STRN: variants seen among roughly 807,000 people sequenced by gnomAD.
STRN encodes protein phosphatase 2 regulatory subunit B'''alpha.
A neutral mutation model predicts 96.3 loss-of-function variants in STRN; 53 were observed. The ratio of observed to expected loss-of-function variants is 0.55; its 90% CI spans 0.44 to 0.69. The LOEUF (loss-of-function observed/expected upper bound fraction) is 0.69, where lower values mean the gene tolerates loss of function less well. Ranked by LOEUF, STRN falls within the 30% of genes least tolerant of loss-of-function variation. The probability of loss-of-function intolerance (pLI) is 0.00; values close to 1 mark genes in which losing one functional copy is unlikely to be tolerated. For missense variants in STRN, 987 were observed against 963.9 expected (o/e 1.02, Z -0.32); for synonymous variants, 428 against 355.9 (o/e 1.20, Z -2.28).
chr2:36,917,538 G>GAAAAAAAAA (rs576754026), intron 2 of STRN, among the ~76,000 whole-genome samples: 235 of 88,476 alleles, frequency 2.7e-3, no homozygotes, highest in African/African-American at 4.6e-3. Context: ...ACAAAAAAAA[G>GAAAAAAAAA]AAAAAAAAAA....
At chr2:36,945,244 T>C (rs1670949840) in intron 1 of STRN, among the ~76,000 whole-genome samples, 1 of 151,958 alleles carries the variant, frequency 6.6e-6, no homozygotes, top group Non-Finnish European at 1.5e-5. Context: ...GGAATAGAGA[T>C]AAAAATGGGT....
intron 5 of STRN, among the ~76,000 whole-genome samples, chr2:36,901,539 G>A (rs1202309298): frequency 2.4e-5 from 3 of 126,846 alleles, no homozygotes; most frequent in African/African-American, 5.9e-5. Context: ...GTGACAGAGC[G>A]AGACTCCGCC....
At chr2:36,858,739 T>C (rs1668409962) in intron 13 of STRN, among the ~76,000 whole-genome samples, 1 of 152,246 alleles carries the variant, frequency 6.6e-6, no homozygotes, top group Non-Finnish European at 1.5e-5. Context: ...TTATGTCTTA[T>C]ATCCTCTGTC....
rs141296569 is a variant in STRN, at chr2:36,844,455, T to C, written c.*5001A>G. The C allele has an allele frequency of 2.6e-5, 4 of 152,232 alleles. No individual in the cohort carries two copies. The East Asian group carries it at 7.7e-4, about 29-fold the overall frequency. 9.4% of individuals were successfully genotyped at this position (152,232 alleles called of 1,614,324 possible). A position where few individuals can be genotyped will look rare whatever the true frequency, so the allele number is the denominator to read the frequency against. ...TCTACATTAACAAGGCACTCACTGG[T>C]TCACAGCCTGTTAAAAACCCAGGCA... On this transcript the variant is annotated 3_prime_UTR_variant, in exon 18 of 18. Transcript: ENST00000263918.
chr2:36,957,742 GTCTTT>G (rs1664925741), intron 1 of STRN, among the ~76,000 whole-genome samples: 1 of 103,132 alleles, frequency 9.7e-6, no homozygotes, highest in African/African-American at 3.5e-5. Context: ...TCTTCTTTTT[GTCTTT>G]TTTTTTTTTT....
At chr2:36,943,758 C>A (rs1201793056) in intron 1 of STRN, among the ~76,000 whole-genome samples, 3 of 151,402 alleles carry the variant, frequency 2.0e-5, no homozygotes, top group Admixed American at 6.6e-5. Flanking sequence ...GAGCCGAGAT[C>A]CTGACACTGC....
chr2:36,850,252 A>T (rs749976385), intron 16 of STRN, among the ~76,000 whole-genome samples: 45 of 152,238 alleles, frequency 3.0e-4, no homozygotes, highest in Non-Finnish European at 6.0e-4. Flanking sequence ...ATACAGAAAA[A>T]AATTTTAAAT....
In STRN at chr2:36,850,952, A is replaced by ATTT. The variant is rs10668550; in HGVS notation, c.2086+45_2086+47dup. 6,203 of 1,235,864 alleles carry ATTT rather than the reference A, an allele frequency of 5.0e-3. 2 individuals are homozygous for ATTT. The highest frequency in any genetic ancestry group is 5.7e-3 in the East Asian group (203 of 35,888). The allele number at this position is 1,235,864 out of a possible 1,614,324, so 76.6% of individuals were successfully genotyped here. On this transcript the variant is annotated intron_variant, in intron 16 of 17. Coordinates refer to ENST00000263918, the MANE Select transcript of STRN (RefSeq NM_003162.4). Reference sequence around the variant, plus strand: ...CAAAATTAGCCTACTTGTGGTAGGGATTTTTTTTTTTTGCTTTAATAAAAA... The same window carrying ATTT: ...CAAAATTAGCCTACTTGTGGTAGGGATTTTTTTTTTTTTTTGCTTTAATAAAAA...
chr2:36,947,717 G>C (rs896063349), intron 1 of STRN, among the ~76,000 whole-genome samples: 3 of 151,660 alleles, frequency 2.0e-5, no homozygotes, highest in African/African-American at 7.3e-5. Context: ...ACAAATATAT[G>C]CAACCTTATT....
intron 3 of STRN, among the ~76,000 whole-genome samples, chr2:36,909,217 A>T (rs545056410): frequency 2.0e-5 from 3 of 152,070 alleles, no homozygotes; most frequent in East Asian, 3.9e-4. Context: ...AATAGCTCTT[A>T]TATTTCCTTA....
intron 1 of STRN, among the ~76,000 whole-genome samples, chr2:36,956,565 T>C (rs904866955): frequency 5.3e-5 from 8 of 152,182 alleles, no homozygotes; most frequent in Admixed American, 2.0e-4. Context: ...ATCAAAAGTA[T>C]AGCTGACATC....
intron 9 of STRN, among the ~76,000 whole-genome samples, chr2:36,878,517 A>G (rs1016323219): frequency 2.6e-4 from 39 of 152,164 alleles, no homozygotes; most frequent in Non-Finnish European, 8.8e-5. Context: ...ATGTGGCGTT[A>G]TAAGTCAGGA....
Position 36,893,933 on chromosome 2 carries a change from T to C in STRN, c.896A>G (p.Asn299Ser), listed in dbSNP as rs1669469997. 10 of 1,613,408 alleles carry C rather than the reference T, an allele frequency of 6.2e-6. No individual in the cohort carries two copies. In the South Asian group the frequency reaches 8.8e-5, roughly 14 times the overall value. Reference sequence around the variant, plus strand: ...TCCATCGCCTGCACTTCTAGATTCATTGTCTCCTTCCTCTGATGTAACCAA... The same window carrying C: ...TCCATCGCCTGCACTTCTAGATTCACTGTCTCCTTCCTCTGATGTAACCAA... Reference protein sequence around the residue: ...DFLVTSEEGDNESRSAGDGTD... With the variant: ...DFLVTSEEGDSESRSAGDGTD... Residue 299 changes from asparagine to serine, a missense_variant, in exon 7 of 18, where the codon AAT becomes AGT. Physicochemically the swap from Asn to Ser is conservative, Grantham distance 46 (BLOSUM62 1). Transcript: ENST00000263918.
chr2:36,871,073 G>C (rs990796262), intron 10 of STRN, among the ~76,000 whole-genome samples: 2 of 152,146 alleles, frequency 1.3e-5, no homozygotes, highest in Non-Finnish European at 2.9e-5. Context: ...CAATGTGTTT[G>C]TGCTTTAAGC....
intron 1 of STRN, among the ~76,000 whole-genome samples, chr2:36,944,025 C>A (rs1363705030): frequency 6.6e-6 from 1 of 152,030 alleles, no homozygotes. Context: ...GAGGCTGGGG[C>A]AGGAGAATTG....
intron 12 of STRN, among the ~76,000 whole-genome samples, chr2:36,863,193 T>A (rs76909810): frequency 6.8e-6 from 1 of 147,874 alleles, no homozygotes; most frequent in Admixed American, 6.8e-5. Flanking sequence ...CCATTTGTCA[T>A]TTTTTTTTTT....
intron 3 of STRN, among the ~76,000 whole-genome samples, chr2:36,911,169 C>T (rs770001571): frequency 2.2e-4 from 34 of 152,146 alleles, no homozygotes; most frequent in Non-Finnish European, 4.1e-4. Flanking sequence ...CATGTTTCTG[C>T]CACCAAACTT....
chr2:36,876,320 G>A (rs1483398654), intron 10 of STRN, among the ~76,000 whole-genome samples: 2 of 151,652 alleles, frequency 1.3e-5, no homozygotes, highest in African/African-American at 2.4e-5. Context: ...TATTTGTGGA[G>A]AATGGAGTGC....
intron 1 of STRN, among the ~76,000 whole-genome samples, chr2:36,944,239 G>A (rs1670923361): frequency 6.6e-6 from 1 of 152,062 alleles, no homozygotes. Context: ...ATATACAAAA[G>A]CAATGCAGAT....
Sources: allele counts gnomAD v4.1 joint callset (sites outside exome capture counted in the v4.1 genomes callset), GRCh38; gene constraint gnomAD v4.1.1; transcripts MANE v1.5; gene names NCBI Gene and HGNC (gene_info 2026-07-23, HGNC 2026-07-21).